Variants in TSEN15 observed in about 807,000 individuals in gnomAD.
TSEN15 encodes tRNA-splicing endonuclease subunit Sen15.
In TSEN15, 10 loss-of-function variants were observed where a neutral mutation model predicts 20.5. The observed-to-expected ratio is 0.49, with a 90% CI of 0.30 to 0.83. The LOEUF is 0.83. Ranked by LOEUF, TSEN15 falls within the 40% of genes least tolerant of loss-of-function variation. The pLI, the probability that TSEN15 is intolerant of heterozygous loss-of-function variation, is 0.06. For synonymous variants in TSEN15, 72 were observed against 80.1 expected, an observed-to-expected ratio of 0.90 and a Z score of 0.54; for missense variants, 180 against 218.6, an observed-to-expected ratio of 0.82 and a Z score of 1.11.
intron 3 of TSEN15, among the ~76,000 whole-genome samples, chr1:184,091,322 T>A (rs1026894510): frequency 6.6e-6 from 1 of 151,956 alleles, no homozygotes; most frequent in Non-Finnish European, 1.5e-5. Flanking sequence ...GAATATATAT[T>A]TTTATATATA....
downstream of TSEN15, chr1:184,074,240 TA>T (rs1360909500): frequency 6.6e-6 from 1 of 152,180 alleles, no homozygotes; most frequent in Non-Finnish European, 1.5e-5. Context: ...ATTAGTTATC[TA>T]TCATTGCAAA....
intron 3 of TSEN15, among the ~76,000 whole-genome samples, chr1:184,089,631 T>C (rs1297616000): frequency 6.6e-6 from 1 of 151,962 alleles, no homozygotes; most frequent in African/African-American, 2.4e-5. Context: ...AGATCTCATA[T>C]TTAATAATAA....
chr1:184,060,186 G>A (rs1650399519), intron 3 of TSEN15, among the ~76,000 whole-genome samples: 1 of 152,212 alleles, frequency 6.6e-6, no homozygotes, highest in African/African-American at 2.4e-5. Context: ...CAGACAGTTT[G>A]TTTTTATTTT....
At chr1:184,076,067 T>C (rs1651055880), downstream of TSEN15, among the ~76,000 whole-genome samples, 1 of 151,940 alleles carries the variant, frequency 6.6e-6, no homozygotes, top group African/African-American at 2.4e-5. Context: ...GTAAAAGATA[T>C]ACATTGCTGC....
chr1:184,053,284 A>G (rs752536410), intron 1 of TSEN15, among the ~76,000 whole-genome samples: 1 of 152,318 alleles, frequency 6.6e-6, no homozygotes, highest in Admixed American at 6.5e-5. Context: ...CCTTTCTGTT[A>G]ATTTAAAAAT....
intron 3 of TSEN15, among the ~76,000 whole-genome samples, chr1:184,067,478 A>C (rs942339946): frequency 2.0e-5 from 3 of 152,188 alleles, no homozygotes; most frequent in African/African-American, 4.8e-5. Context: ...TACCTGGTAC[A>C]TGGTGCTAAG....
At chr1:184,061,109 C>G (rs1650441166) in intron 3 of TSEN15, among the ~76,000 whole-genome samples, 1 of 152,110 alleles carries the variant, frequency 6.6e-6, no homozygotes, top group African/African-American at 2.4e-5. Context: ...TTTTGACTCT[C>G]ACTCAAGAAA....
chr1:184,054,813 G>T lies in TSEN15; in HGVS notation c.303G>T (p.Gly101=), dbSNP rs749271561. The T allele has an allele frequency of 7.5e-6, 12 of 1,610,148 alleles. No homozygotes were observed. The Admixed American group carries it at 1.5e-4, about 20-fold the overall frequency. Residue 101 remains glycine (G), a synonymous_variant, in exon 3 of 5, where the codon GGG becomes GGT. Coordinates refer to ENST00000645668, the MANE Select transcript of TSEN15 (RefSeq NM_052965.4). ...CLVGTEIEGE[G]LQTVVPTPIT... ...TTGGTACTGAGATAGAAGGGGAGGGGTTACAGACTGTGGTGCCTACCCCCA... is the reference window on the plus strand; with the variant it reads ...TTGGTACTGAGATAGAAGGGGAGGGTTTACAGACTGTGGTGCCTACCCCCA...
In TSEN15 at chr1:184,054,882, T is replaced by G; in HGVS notation, c.353+19T>G. The G allele has an allele frequency of 1.9e-6, 3 of 1,603,870 alleles. No homozygotes were observed. Among genetic ancestry groups the G allele is most frequent in the Non-Finnish European group, 2.6e-6 (3 of 1,175,250 alleles). On this transcript the variant is annotated intron_variant, in intron 3 of 4. Transcript: ENST00000645668. ...ATAACAGGTGAGCAGGTGATTTTGGTCTAAGTTCCTTTCCCGAGTAAAGCA... is the reference window on the plus strand; with the variant it reads ...ATAACAGGTGAGCAGGTGATTTTGGGCTAAGTTCCTTTCCCGAGTAAAGCA...
chr1:184,081,013 T>C (rs1651156284), intron 3 of TSEN15, among the ~76,000 whole-genome samples: 1 of 152,210 alleles, frequency 6.6e-6, no homozygotes, highest in Non-Finnish European at 1.5e-5. Context: ...CCAAATATGT[T>C]ATTATTAGAT....
chr1:184,056,656 TG>T (rs1242481077), intron 3 of TSEN15, among the ~76,000 whole-genome samples: 15 of 152,198 alleles, frequency 9.9e-5, no homozygotes, highest in African/African-American at 3.6e-4. Flanking sequence ...CTATTGTTCT[TG>T]TTTTTAATGG....
Position 184,051,889 on chromosome 1 carries a change from A to C in TSEN15, c.134A>C (p.Lys45Thr). The change falls in exon 1 of 5, where the codon AAG becomes ACG. Residue 45 changes from lysine to threonine, a missense_variant and splice_region_variant. Transcript: ENST00000645668. ...GACGCCTGGATGGGCACTCACCCTA[A>C]GGTCAGGAGGCGCGAGAGGAGCAGG... is the stretch of plus-strand genomic sequence containing the variant. ...PEDAWMGTHP[K>T]YLEMMELDIG... The C allele has an allele frequency of 6.5e-7, 1 of 1,543,036 alleles. No homozygotes were observed. Among genetic ancestry groups the C allele is most frequent in the African/African-American group, 1.4e-5 (1 of 71,888 alleles).
chr1:184,071,970 T>G (rs1572715141), intron 3 of TSEN15, 187 bp from the exon 4 acceptor site: 2 of 485,670 alleles, frequency 4.1e-6, no homozygotes, highest in East Asian at 6.5e-5. Flanking sequence ...TCCAATTATG[T>G]GTAATGTTGA....
chr1:184,081,356 G>T (rs1396189904), intron 3 of TSEN15, among the ~76,000 whole-genome samples: 1 of 152,172 alleles, frequency 6.6e-6, no homozygotes, highest in Non-Finnish European at 1.5e-5. Context: ...CAGAGTGACA[G>T]GGCCTCCACC....
intron 3 of TSEN15, among the ~76,000 whole-genome samples, chr1:184,065,496 C>T (rs919325545): frequency 6.6e-6 from 1 of 152,074 alleles, no homozygotes; most frequent in African/African-American, 2.4e-5. Context: ...CATAAACATA[C>T]CCTATGCTTC....
At chr1:184,067,941 A>AAAAAAATATAT (rs1400681024) in intron 3 of TSEN15, among the ~76,000 whole-genome samples, 3 of 95,572 alleles carry the variant, frequency 3.1e-5, no homozygotes, top group African/African-American at 1.3e-4. Flanking sequence ...AAAAAAAAAA[A>AAAAAAATATAT]ATATATATAT....
chr1:184,077,850 GT>G (rs1651092749), downstream of TSEN15, among the ~76,000 whole-genome samples: 1 of 152,176 alleles, frequency 6.6e-6, no homozygotes, highest in Non-Finnish European at 1.5e-5. Flanking sequence ...CATATGAGGA[GT>G]TGTTTCTTAT....
chr1:184,067,341 T>C (rs1300729314), intron 3 of TSEN15, among the ~76,000 whole-genome samples: 1 of 152,204 alleles, frequency 6.6e-6, no homozygotes, highest in Non-Finnish European at 1.5e-5. Flanking sequence ...ATATTAATGC[T>C]ACTCAACATA....
At chr1:184,066,919 T>A (rs1406815806) in intron 3 of TSEN15, among the ~76,000 whole-genome samples, 1 of 152,208 alleles carries the variant, frequency 6.6e-6, no homozygotes, top group Non-Finnish European at 1.5e-5. Context: ...TCTCCATTTG[T>A]TTAGATCTCC....
Sources: allele counts gnomAD v4.1 joint callset (sites outside exome capture counted in the v4.1 genomes callset), GRCh38; gene constraint gnomAD v4.1.1; transcripts MANE v1.5; gene names NCBI Gene and HGNC (gene_info 2026-07-23, HGNC 2026-07-21).